FARS2: variants seen among roughly 807,000 people sequenced by gnomAD.
The protein encoded by FARS2 is phenylalanyl-tRNA synthetase 2, mitochondrial, also known as phenylalanine--tRNA ligase, mitochondrial.
In FARS2, 40 loss-of-function variants were observed where a neutral mutation model predicts 46.4. That is an observed-to-expected ratio of 0.86 (90% CI 0.67 to 1.12). The LOEUF (loss-of-function observed/expected upper bound fraction) is 1.12. Among genes scored for constraint, FARS2 ranks in the 50% most tolerant of loss-of-function variants. FARS2 has a pLI of 0.00. For missense variants in FARS2, 513 were observed against 567.9 expected, an observed-to-expected ratio of 0.90 and a Z score of 0.98; for synonymous variants, 234 against 214.9, an observed-to-expected ratio of 1.09 and a Z score of -0.78.
At chr6:5,690,086 G>C (rs1256867503) in intron 6 of FARS2, among the ~76,000 whole-genome samples, 1 of 152,120 alleles carries the variant, frequency 6.6e-6, no homozygotes, top group African/African-American at 2.4e-5. Flanking sequence ...TTGAGCCTAT[G>C]TGTGTCTCTG....
intron 4 of FARS2, among the ~76,000 whole-genome samples, chr6:5,502,493 A>G (rs1767860485): frequency 6.6e-6 from 1 of 152,244 alleles, no homozygotes; most frequent in Non-Finnish European, 1.5e-5. Flanking sequence ...ATTTGTCAAG[A>G]AAGTTGATAT....
chr6:5,582,007 G>A (rs559156623), intron 5 of FARS2, among the ~76,000 whole-genome samples: 79 of 64,246 alleles, frequency 1.2e-3, no homozygotes, highest in Admixed American at 2.4e-3. Context: ...TTCCTGATGC[G>A]CTTTTCTAAG....
At chr6:5,387,944 A>C (rs6910853) in intron 2 of FARS2, among the ~76,000 whole-genome samples, 61,606 of 152,066 alleles carry the variant, frequency 0.41, 13,241 homozygotes, top group East Asian at 0.57. Flanking sequence ...ATTGCAAAGA[A>C]AGTACAGAAA....
At chr6:5,598,717 CAT>C (rs1774342197) in intron 5 of FARS2, among the ~76,000 whole-genome samples, 1 of 152,070 alleles carries the variant, frequency 6.6e-6, no homozygotes, top group Non-Finnish European at 1.5e-5. Flanking sequence ...AAATCGAAAA[CAT>C]GTAGTATCAA....
At chr6:5,763,708 C>T (rs1237205675) in intron 6 of FARS2, among the ~76,000 whole-genome samples, 2 of 151,770 alleles carry the variant, frequency 1.3e-5, no homozygotes, top group East Asian at 3.9e-4. Flanking sequence ...TTAGGAAAAC[C>T]GTATAGAGTC....
chr6:5,578,803 C>T (rs373283765), intron 5 of FARS2, among the ~76,000 whole-genome samples: 34 of 114,290 alleles, frequency 3.0e-4, no homozygotes, highest in Middle Eastern at 4.9e-3. Context: ...AGCGGCACTC[C>T]GTCTCAAAAA....
chr6:5,691,093 A>AT (rs1052869401), intron 6 of FARS2, among the ~76,000 whole-genome samples: 3 of 151,610 alleles, frequency 2.0e-5, no homozygotes, highest in South Asian at 2.1e-4. Context: ...CATTCATCTA[A>AT]TTTTTTTTCA....
intron 6 of FARS2, among the ~76,000 whole-genome samples, chr6:5,731,625 A>G (rs999168421): frequency 6.6e-6 from 1 of 152,200 alleles, no homozygotes; most frequent in African/African-American, 2.4e-5. Flanking sequence ...ACCATGTCAT[A>G]GCAGGGCAGA....
At chr6:5,356,586 T>A (rs900417657) in intron 1 of FARS2, among the ~76,000 whole-genome samples, 2 of 152,194 alleles carry the variant, frequency 1.3e-5, no homozygotes, top group Non-Finnish European at 2.9e-5. Context: ...GTTAAGAGCT[T>A]CATTTAGGTA....
intron 6 of FARS2, among the ~76,000 whole-genome samples, chr6:5,616,189 T>G (rs1442870491): frequency 6.6e-6 from 1 of 152,126 alleles, no homozygotes; most frequent in African/African-American, 2.4e-5. Flanking sequence ...AGCTTGCAGA[T>G]GATATCTGTC....
In FARS2 at chr6:5,733,223, G is replaced by A. The variant is rs9378984; in HGVS notation, c.1218-38068G>A. On this transcript the variant is annotated intron_variant, in intron 6 of 6. Coordinates refer to ENST00000274680, the MANE Select transcript of FARS2 (RefSeq NM_006567.5). Reference sequence around the variant, plus strand: ...ACTTCTTGATGAATACTGCCATCATGACATGGGGAGGAAATCACAGTAGCA... The same window carrying A: ...ACTTCTTGATGAATACTGCCATCATAACATGGGGAGGAAATCACAGTAGCA... 2.0e-4 allele frequency among the ~76,000 whole-genome samples: 30 copies of A among 152,298 alleles called. No individual in the cohort carries two copies. The East Asian group carries it at 5.8e-3, about 29-fold the overall frequency.
At chr6:5,426,056 G>A (rs1432057826) in intron 3 of FARS2, among the ~76,000 whole-genome samples, 2 of 151,886 alleles carry the variant, frequency 1.3e-5, no homozygotes, top group African/African-American at 4.8e-5. Flanking sequence ...TCTTTTATGT[G>A]GCTCTAGGCT....
chr6:5,364,713 T>A (rs77900420), intron 1 of FARS2, among the ~76,000 whole-genome samples: 5,168 of 152,244 alleles, frequency 0.034, 265 homozygotes, highest in African/African-American at 0.11. Flanking sequence ...TGGCTGTTGC[T>A]GTGTTCCAAC....
At position 5,391,262 on chromosome 6, in the gene FARS2, C is replaced by T. The variant is rs188753633; in HGVS notation, c.613-13280C>T. Reference sequence around the variant, plus strand: ...TTGGAGATTTTGGGTTGAATTCAGGCTCCACCATTTACTATGTCATGGTAC... The same window carrying T: ...TTGGAGATTTTGGGTTGAATTCAGGTTCCACCATTTACTATGTCATGGTAC... On this transcript the variant is annotated intron_variant, in intron 2 of 6. Coordinates refer to ENST00000274680, the MANE Select transcript of FARS2 (RefSeq NM_006567.5). Among the ~76,000 whole-genome samples the T allele has an allele frequency of 5.2e-3, 792 of 152,300 alleles. 6 individuals carry two copies. The highest frequency in any genetic ancestry group is 0.024 in the Admixed American group (361 of 15,300).
At chr6:5,320,726 G>A (rs1581775210) in intron 1 of FARS2, among the ~76,000 whole-genome samples, 1 of 152,204 alleles carries the variant, frequency 6.6e-6, no homozygotes, top group East Asian at 1.9e-4. Flanking sequence ...GTTCATTTAA[G>A]CTGCTGTAAT....
chr6:5,269,929 A>G (rs909760013), intron 1 of FARS2, among the ~76,000 whole-genome samples: 3 of 152,250 alleles, frequency 2.0e-5, no homozygotes, highest in African/African-American at 7.2e-5. Context: ...TCTGAGCACA[A>G]TTGAAGCACT....
chr6:5,563,088 A>T (rs112139781), intron 5 of FARS2, among the ~76,000 whole-genome samples: 3 of 84,850 alleles, frequency 3.5e-5, no homozygotes, highest in South Asian at 1.2e-3. Context: ...AGACAGAGGG[A>T]GGGGGGCTCC....
chr6:5,420,551 C>T (rs1762485771), intron 3 of FARS2, among the ~76,000 whole-genome samples: 1 of 152,160 alleles, frequency 6.6e-6, no homozygotes, highest in Non-Finnish European at 1.5e-5. Context: ...CTACCAGGCC[C>T]CATGCAAGTG....
At chr6:5,414,974 C>T (rs1762144631) in intron 3 of FARS2, among the ~76,000 whole-genome samples, 1 of 151,728 alleles carries the variant, frequency 6.6e-6, no homozygotes, top group South Asian at 2.1e-4. Flanking sequence ...GCCACCATGC[C>T]TGGGTAATTT....
Sources: gnomAD v4.1 joint callset for allele counts (sites outside exome capture counted in the v4.1 genomes callset) on GRCh38, gnomAD v4.1.1 for gene constraint, MANE v1.5 for transcripts, NCBI Gene and HGNC (gene_info 2026-07-23, HGNC 2026-07-21) for gene names.